Variants in C2CD5 observed in about 807,000 individuals in gnomAD.
The protein encoded by C2CD5 is C2 calcium dependent domain containing 5, also known as C2 domain-containing protein 5.
A neutral mutation model predicts 130.3 loss-of-function variants in C2CD5; 109 were observed. The ratio of observed to expected loss-of-function variants is 0.84; its 90% confidence interval spans 0.72 to 0.98. The LOEUF (loss-of-function observed/expected upper bound fraction) is 0.98. C2CD5 is among the 50% of genes least tolerant of loss of function. The pLI is 0.00. For synonymous variants in C2CD5, 454 were observed against 429.2 expected (o/e 1.06, Z -0.71); for missense variants, 996 against 1,261.8 (o/e 0.79, Z 3.19).
intron 10 of C2CD5, chr12:22,502,667 C>A: frequency 2.5e-6 from 2 of 788,082 alleles, no homozygotes; most frequent in Non-Finnish European, 4.2e-6. Flanking sequence ...TCATCTAGAA[C>A]ATTTCTAAAA....
At chr12:22,534,566 A>G (rs1359735264) in intron 3 of C2CD5, 1 of 152,222 alleles carries the variant, frequency 6.6e-6, no homozygotes, top group Non-Finnish European at 1.5e-5. Flanking sequence ...TGGCATACAC[A>G]TACAATGGGT....
chr12:22,476,732 C>A (rs939230626), intron 15 of C2CD5, among the ~76,000 whole-genome samples: 6 of 151,946 alleles, frequency 3.9e-5, no homozygotes, highest in Non-Finnish European at 8.8e-5. Context: ...AGGAAGAGTC[C>A]ATTCTTCCTG....
intron 21 of C2CD5, 132 bp from the exon 22 acceptor site, chr12:22,469,927 T>TCTC: frequency 3.7e-6 from 2 of 533,776 alleles, no homozygotes; most frequent in Non-Finnish European, 6.4e-6. Context: ...CTGGTCATTT[T>TCTC]CTCCTTGATT....
Position 22,449,682 on chromosome 12 carries a change from G to A in C2CD5, c.*78C>T. 1 of 1,302,394 alleles carries A rather than the reference G, an allele frequency of 7.7e-7. No individual in the cohort carries two copies. The highest frequency in any genetic ancestry group is 1.1e-6 in the Non-Finnish European group (1 of 921,478). 80.7% of individuals were successfully genotyped at this position (1,302,394 alleles called of 1,614,324 possible). A position where few individuals can be genotyped will look rare whatever the true frequency, so the allele number is the denominator to read the frequency against. ...TTATTTATCTCAAGTTCAATTTTAA[G>A]TCTAAGAAGATAATTAATGACAAAA... On this transcript the variant is annotated 3_prime_UTR_variant, in exon 27 of 27. Coordinates refer to ENST00000446597, the MANE Select transcript of C2CD5 (RefSeq NM_001286176.2).
intron 10 of C2CD5, among the ~76,000 whole-genome samples, chr12:22,498,090 G>A (rs993708571): frequency 6.6e-6 from 1 of 151,998 alleles, no homozygotes; most frequent in Non-Finnish European, 1.5e-5. Context: ...ACCAAAAGCT[G>A]TATAAGTACT....
intron 24 of C2CD5, 105 bp from the exon 25 acceptor site, chr12:22,457,266 G>C (rs535318881): frequency 4.6e-6 from 3 of 653,850 alleles, no homozygotes; most frequent in Non-Finnish European, 7.5e-6. Context: ...TGTCTGTGAG[G>C]CTAAGCCATG....
chr12:22,506,922 A>C, intron 9 of C2CD5, 103 bp from the exon 10 acceptor site: 1 of 700,796 alleles, frequency 1.4e-6, no homozygotes, highest in Non-Finnish European at 2.6e-6. Flanking sequence ...ATCCCTTGAA[A>C]TAAAAGGCCA....
At chr12:22,503,647 A>C (rs1434318821) in intron 10 of C2CD5, among the ~76,000 whole-genome samples, 1 of 152,024 alleles carries the variant, frequency 6.6e-6, no homozygotes, top group African/African-American at 2.4e-5. Context: ...AGTAGCTAGG[A>C]CCACAGACAA....
intron 22 of C2CD5, among the ~76,000 whole-genome samples, chr12:22,466,255 T>C (rs1358845444): frequency 6.6e-6 from 1 of 151,922 alleles, no homozygotes; most frequent in Admixed American, 6.6e-5. Flanking sequence ...ATCATCCTAT[T>C]TGTGATTAAA....
chr12:22,472,164 G>A (rs1943140749), intron 18 of C2CD5, 99 bp from the exon 19 acceptor site: 1 of 846,076 alleles, frequency 1.2e-6, no homozygotes, highest in Admixed American at 2.5e-5. Flanking sequence ...AACTAATGTA[G>A]TAGAATAAGG....
At chr12:22,530,432 A>C (rs773298404) in intron 3 of C2CD5, among the ~76,000 whole-genome samples, 1 of 151,754 alleles carries the variant, frequency 6.6e-6, no homozygotes, top group Non-Finnish European at 1.5e-5. Context: ...ATTATTCGGG[A>C]AGACTAGTCA....
chr12:22,460,525 G>C (rs1310565868), intron 22 of C2CD5: 1 of 152,002 alleles, frequency 6.6e-6, no homozygotes, highest in Non-Finnish European at 1.5e-5. Flanking sequence ...TTCTACCATA[G>C]AATGTTGCTG....
At chr12:22,521,742 A>G (rs1468122796) in intron 7 of C2CD5, among the ~76,000 whole-genome samples, 1 of 152,232 alleles carries the variant, frequency 6.6e-6, no homozygotes, top group Non-Finnish European at 1.5e-5. Flanking sequence ...AATAAAATTA[A>G]GCAGTATGTA....
At chr12:22,469,836 A>G in intron 21 of C2CD5, 41 bp from the exon 22 acceptor site, 1 of 1,220,062 alleles carries the variant, frequency 8.2e-7, no homozygotes, top group Non-Finnish European at 1.1e-6. Flanking sequence ...GTAATGATCT[A>G]TTATTAATTT....
At chr12:22,537,599 C>A (rs1951945781) in intron 2 of C2CD5, among the ~76,000 whole-genome samples, 1 of 152,090 alleles carries the variant, frequency 6.6e-6, no homozygotes, top group Non-Finnish European at 1.5e-5. Context: ...ATGGAGATTT[C>A]CCCCAGTAAA....
intron 10 of C2CD5, among the ~76,000 whole-genome samples, chr12:22,503,478 GTAA>G (rs1948067397): frequency 6.6e-6 from 1 of 152,066 alleles, no homozygotes. Flanking sequence ...TTTTTAGTGC[GTAA>G]TAATACATAA....
At chr12:22,536,429 G>C (rs1249175391) in intron 2 of C2CD5, among the ~76,000 whole-genome samples, 1 of 151,932 alleles carries the variant, frequency 6.6e-6, no homozygotes, top group Non-Finnish European at 1.5e-5. Flanking sequence ...AGAATCCTAG[G>C]TTTGCTACCA....
rs147264399 is a variant in C2CD5 at position 22,488,656 on chromosome 12, T to C, written c.1358+1467A>G. Among the ~76,000 whole-genome samples the C allele has an allele frequency of 7.2e-5, 11 of 152,234 alleles. No individual in the cohort carries two copies. The East Asian group carries it at 1.5e-3, about 21-fold the overall frequency. ...TCACTGACAAAGAGAGTTTCCTCAA[T>C]AGAATATTCTAATTATTTACTGTGC... On this transcript the variant is annotated intron_variant, in intron 12 of 26. Coordinates refer to ENST00000446597, the MANE Select transcript of C2CD5 (RefSeq NM_001286176.2).
At chr12:22,451,446 C>A (rs1938583365) in intron 26 of C2CD5, among the ~76,000 whole-genome samples, 1 of 151,996 alleles carries the variant, frequency 6.6e-6, no homozygotes, top group African/African-American at 2.4e-5. Flanking sequence ...CAAGATCTCA[C>A]ATAAAAGTGG....
Sources: allele counts gnomAD v4.1 joint callset (sites outside exome capture counted in the v4.1 genomes callset), GRCh38; gene constraint gnomAD v4.1.1; transcripts MANE v1.5; gene names NCBI Gene and HGNC (gene_info 2026-07-23, HGNC 2026-07-21).